NEK11: variants seen among roughly 807,000 people sequenced by gnomAD.
NEK11 encodes the protein serine/threonine-protein kinase Nek11.
NEK11 carries 72 observed loss-of-function variants against 80.7 expected under a neutral mutation model. The observed-to-expected ratio is 0.89, with a 90% CI of 0.74 to 1.08. The LOEUF is 1.08. Ranked by LOEUF, NEK11 falls within the 50% of genes least tolerant of loss-of-function variation. The pLI, the probability that NEK11 is intolerant of heterozygous loss-of-function variation, is 0.00. For missense variants in NEK11, 764 were observed against 763.6 expected (o/e 1.00, Z -0.01); for synonymous variants, 251 against 260.7 (o/e 0.96, Z 0.36).
chr3:131,304,383 A>C (rs2096699340), intron 17 of NEK11, among the ~76,000 whole-genome samples: 1 of 152,174 alleles, frequency 6.6e-6, no homozygotes, highest in Non-Finnish European at 1.5e-5. Context: ...TTTTCTATCC[A>C]TATTCTGAAT....
chr3:131,066,294 A>C (rs2071934060), intron 3 of NEK11, among the ~76,000 whole-genome samples: 1 of 152,220 alleles, frequency 6.6e-6, no homozygotes, highest in Non-Finnish European at 1.5e-5. Context: ...AATTTGTGTC[A>C]GGATTATTGC....
At chr3:131,279,179 T>G (rs1265441306) in intron 17 of NEK11, among the ~76,000 whole-genome samples, 1 of 151,766 alleles carries the variant, frequency 6.6e-6, no homozygotes, top group Non-Finnish European at 1.5e-5. Flanking sequence ...GAGACCAGCC[T>G]AAATTACTAA....
chr3:131,098,577 CTTTT>C (rs755143299), intron 4 of NEK11, among the ~76,000 whole-genome samples: 2 of 137,020 alleles, frequency 1.5e-5, no homozygotes, highest in Admixed American at 7.3e-5. Flanking sequence ...CCTTTGCCCA[CTTTT>C]TTTTTTTTTT....
At chr3:131,146,872 A>G (rs1257853936) in intron 7 of NEK11, among the ~76,000 whole-genome samples, 2 of 152,024 alleles carry the variant, frequency 1.3e-5, no homozygotes, top group East Asian at 3.9e-4. Flanking sequence ...CCATTTTTCT[A>G]TTGGATTCTC....
At chr3:131,249,674 C>T (rs2095665373) in intron 16 of NEK11, among the ~76,000 whole-genome samples, 1 of 152,146 alleles carries the variant, frequency 6.6e-6, no homozygotes, top group African/African-American at 2.4e-5. Context: ...TGGACTCCTT[C>T]AGGTTCAGAA....
chr3:131,085,091 T>C (rs1291006602), intron 4 of NEK11, among the ~76,000 whole-genome samples: 1 of 152,220 alleles, frequency 6.6e-6, no homozygotes, highest in Non-Finnish European at 1.5e-5. Context: ...CTGTTGCTCT[T>C]ATTCACGAAA....
chr3:131,230,561 T>C (rs2095309409), intron 15 of NEK11, among the ~76,000 whole-genome samples: 1 of 152,198 alleles, frequency 6.6e-6, no homozygotes, highest in Non-Finnish European at 1.5e-5. Context: ...AGTACCTCTT[T>C]ATGATACTGC....
At chr3:131,256,864 A>G (rs2108394557) in intron 16 of NEK11, among the ~76,000 whole-genome samples, 2 of 152,236 alleles carry the variant, frequency 1.3e-5, no homozygotes, top group Admixed American at 1.3e-4. Flanking sequence ...AAGGATAATA[A>G]TGTTAGATAC....
intron 12 of NEK11, among the ~76,000 whole-genome samples, chr3:131,167,963 T>C (rs2092377735): frequency 6.6e-6 from 1 of 152,224 alleles, no homozygotes; most frequent in Non-Finnish European, 1.5e-5. Flanking sequence ...CCTATGTTTA[T>C]ATATTGATGG....
At chr3:131,218,674 G>A (rs2094922581) in intron 14 of NEK11, among the ~76,000 whole-genome samples, 1 of 152,072 alleles carries the variant, frequency 6.6e-6, no homozygotes, top group Admixed American at 6.6e-5. Context: ...AGGCTGATAG[G>A]GTGGGCTCTA....
chr3:131,118,124 T>C (rs1452982172), intron 5 of NEK11, among the ~76,000 whole-genome samples: 1 of 152,136 alleles, frequency 6.6e-6, no homozygotes, highest in Non-Finnish European at 1.5e-5. Context: ...CCTAAATAGC[T>C]CTTATTATTT....
intron 17 of NEK11, among the ~76,000 whole-genome samples, chr3:131,309,215 A>G (rs1262852377): frequency 4.6e-5 from 7 of 152,010 alleles, no homozygotes; most frequent in Non-Finnish European, 1.5e-5. Flanking sequence ...TCACTCTCTA[A>G]CTTTGGGATT....
At chr3:131,193,487 C>A (rs1208229590) in intron 14 of NEK11, among the ~76,000 whole-genome samples, 1 of 152,078 alleles carries the variant, frequency 6.6e-6, no homozygotes, top group Non-Finnish European at 1.5e-5. Context: ...ATAATTTCTC[C>A]ATTTGTTCTG....
In NEK11 at chr3:131,152,690, A is replaced by T. The variant is rs1270139358; in HGVS notation, c.857A>T (p.Tyr286Phe). 2 of 1,612,096 alleles carry T rather than the reference A, an allele frequency of 1.2e-6. No individual in the cohort carries two copies. The highest frequency in any genetic ancestry group is 4.5e-5 in the East Asian group (2 of 44,858). ...PSAIEILKIP[Y>F]LDEQLQNLMC... is the part of the protein sequence containing the mutation. ...GCTATCGAAATTTTAAAAATCCCTTACCTTGATGAGCAGCTACAGGTATTT... is the reference window on the plus strand; with the variant it reads ...GCTATCGAAATTTTAAAAATCCCTTTCCTTGATGAGCAGCTACAGGTATTT... The change falls in exon 9 of 18, where the codon TAC becomes TTC. Residue 286 changes from tyrosine to phenylalanine, a missense_variant. Tyr to Phe is a conservative substitution (Grantham distance 22). Coordinates refer to ENST00000383366, the MANE Select transcript of NEK11 (RefSeq NM_024800.5).
intron 14 of NEK11, among the ~76,000 whole-genome samples, chr3:131,217,170 A>G (rs1185805231): frequency 1.3e-5 from 2 of 152,214 alleles, no homozygotes; most frequent in Non-Finnish European, 2.9e-5. Flanking sequence ...GTGGGGAGAG[A>G]GATTGCTTTT....
At chr3:131,274,183 C>T (rs2096251898) in intron 17 of NEK11, among the ~76,000 whole-genome samples, 1 of 144,724 alleles carries the variant, frequency 6.9e-6, no homozygotes, top group Admixed American at 7.1e-5. Context: ...TGTTCAATTC[C>T]CACCTATGAG....
At chr3:131,110,062 T>G (rs1269964856) in intron 5 of NEK11, 141 bp downstream of exon 5, 59 of 821,412 alleles carry the variant, frequency 7.2e-5, no homozygotes, top group Non-Finnish European at 1.1e-4. Flanking sequence ...TAATATGTTT[T>G]TCCTTGAGAA....
chr3:131,037,009 G>T (rs76638633), intron 3 of NEK11, among the ~76,000 whole-genome samples: 2,012 of 152,258 alleles, frequency 0.013, 38 homozygotes, highest in African/African-American at 0.045. Flanking sequence ...CTGCATAATA[G>T]TCTATGGCTT....
intron 17 of NEK11, among the ~76,000 whole-genome samples, chr3:131,308,935 C>T (rs2096749758): frequency 6.6e-6 from 1 of 152,176 alleles, no homozygotes; most frequent in Non-Finnish European, 1.5e-5. Context: ...GAGCACGCAA[C>T]CTAGATCCCT....
Sources: allele counts gnomAD v4.1 joint callset (sites outside exome capture counted in the v4.1 genomes callset), GRCh38; gene constraint gnomAD v4.1.1; transcripts MANE v1.5; gene names NCBI Gene and HGNC (gene_info 2026-07-23, HGNC 2026-07-21).